Variants in ZNF277 observed in about 807,000 individuals in gnomAD.
ZNF277 encodes the protein nuclear receptor-interacting factor 4.
Under a neutral mutation model 60.7 loss-of-function variants are expected in ZNF277, and 55 were observed. That is an observed-to-expected ratio of 0.91 (90% confidence interval 0.73 to 1.13). The LOEUF (loss-of-function observed/expected upper bound fraction) is 1.13. Ranked by LOEUF, ZNF277 falls within the 50% of genes most tolerant of loss-of-function variation. The pLI, the probability that ZNF277 is intolerant of heterozygous loss-of-function variation, is 0.00. For missense variants in ZNF277, 510 were observed against 523.0 expected, an observed-to-expected ratio of 0.98 and a Z score of 0.24; for synonymous variants, 178 against 179.3, an observed-to-expected ratio of 0.99 and a Z score of 0.06.
intron 4 of ZNF277, among the ~76,000 whole-genome samples, chr7:112,302,148 T>G (rs945827439): frequency 3.9e-5 from 6 of 152,100 alleles, no homozygotes; most frequent in African/African-American, 1.4e-4. Context: ...GCTTGAGATA[T>G]CATTCATGAC....
intron 1 of ZNF277, among the ~76,000 whole-genome samples, chr7:112,262,417 C>G (rs1791459566): frequency 6.6e-6 from 1 of 152,014 alleles, no homozygotes; most frequent in African/African-American, 2.4e-5. Flanking sequence ...ACAAAGAGAA[C>G]TTGGTACTTT....
chr7:112,273,914 A>G (rs1402397623), intron 1 of ZNF277, among the ~76,000 whole-genome samples: 1 of 152,172 alleles, frequency 6.6e-6, no homozygotes, highest in Non-Finnish European at 1.5e-5. Context: ...TCAAATGAGT[A>G]TCAGCTAAGA....
chr7:112,207,179 A>C (rs1164616485), intron 1 of ZNF277, among the ~76,000 whole-genome samples: 1 of 152,162 alleles, frequency 6.6e-6, no homozygotes, highest in Non-Finnish European at 1.5e-5. Context: ...TGGGATTAGC[A>C]GCTCTTTCTC....
At chr7:112,273,688 C>A (rs889722632) in intron 1 of ZNF277, among the ~76,000 whole-genome samples, 1 of 152,120 alleles carries the variant, frequency 6.6e-6, no homozygotes, top group African/African-American at 2.4e-5. Context: ...ACATAACCAC[C>A]CTCTCTGGTG....
chr7:112,228,770 C>G (rs1417700391), intron 1 of ZNF277, among the ~76,000 whole-genome samples: 2 of 151,870 alleles, frequency 1.3e-5, no homozygotes, highest in Admixed American at 1.3e-4. Flanking sequence ...TGCATACAAC[C>G]CCTGAAATTT....
At chr7:112,312,440 T>A (rs930591919) in intron 4 of ZNF277, among the ~76,000 whole-genome samples, 2 of 152,088 alleles carry the variant, frequency 1.3e-5, no homozygotes, top group African/African-American at 4.8e-5. Context: ...TACTGTTGAT[T>A]TTCTTACTTG....
intron 1 of ZNF277, among the ~76,000 whole-genome samples, chr7:112,256,969 G>A (rs1439585954): frequency 6.6e-6 from 1 of 152,174 alleles, no homozygotes; most frequent in African/African-American, 2.4e-5. Flanking sequence ...TGTTCCATGG[G>A]AAATGGATTA....
rs1791852181 is a variant in ZNF277, at chr7:112,278,074, A to G, written c.92-8799A>G. Among the ~76,000 whole-genome samples, 4 of 152,306 alleles carry G rather than the reference A, an allele frequency of 2.6e-5. No individual in the cohort carries two copies. In the South Asian group the frequency reaches 8.3e-4, roughly 32 times the overall value. On this transcript the variant is annotated intron_variant, in intron 1 of 11. Transcript: ENST00000361822. ...TGAACAGAGCTTATCTCATATTCTC[A>G]GAAAACTGAGGCTATCAATATAAAT...
intron 7 of ZNF277, among the ~76,000 whole-genome samples, chr7:112,332,893 A>G (rs1032200412): frequency 4.6e-5 from 7 of 152,228 alleles, no homozygotes; most frequent in Non-Finnish European, 5.9e-5. Context: ...CAGGCTTAGT[A>G]ACATTCTAGG....
At chr7:112,316,651 A>G (rs1214791049) in intron 4 of ZNF277, among the ~76,000 whole-genome samples, 4 of 151,936 alleles carry the variant, frequency 2.6e-5, no homozygotes, top group Non-Finnish European at 5.9e-5. Flanking sequence ...CTATGTCCTG[A>G]ATGGTATTGC....
chr7:112,298,459 A>C (rs1231860793), intron 4 of ZNF277, among the ~76,000 whole-genome samples: 1 of 152,168 alleles, frequency 6.6e-6, no homozygotes, highest in African/African-American at 2.4e-5. Flanking sequence ...AGATAGAAAA[A>C]TTTTTATGGG....
chr7:112,318,205 G>A lies in ZNF277; in HGVS notation c.489G>A (p.Gln163=). 6.2e-7 allele frequency: 1 copy of A among 1,613,158 alleles called. No individual in the cohort carries two copies. The highest frequency in any genetic ancestry group is 1.1e-5 in the South Asian group (1 of 91,040). ...AGAGAGAAATTCTGGAACAACAGCA[G>A]CAAGAACGAAATGATACCAATTTTC... is the stretch of plus-strand genomic sequence containing the variant. The part of the protein sequence containing the change: ...QRLREILEQQ[Q]QERNDTNFHG... The change falls in exon 5 of 12, where the codon CAG becomes CAA. Residue 163 remains glutamine (Q), a synonymous_variant. Coordinates refer to ENST00000361822, the MANE Select transcript of ZNF277 (RefSeq NM_021994.3).
At chr7:112,261,411 A>G (rs917011505) in intron 1 of ZNF277, among the ~76,000 whole-genome samples, 3 of 152,232 alleles carry the variant, frequency 2.0e-5, no homozygotes, top group African/African-American at 7.2e-5. Flanking sequence ...GGCATTTCAT[A>G]TGCCTAGCTC....
At chr7:112,250,017 C>T (rs970904483) in intron 1 of ZNF277, among the ~76,000 whole-genome samples, 6 of 152,042 alleles carry the variant, frequency 3.9e-5, no homozygotes, top group Admixed American at 6.5e-5. Context: ...CTCTGACCGC[C>T]GGTGAGCCGG....
intron 1 of ZNF277, among the ~76,000 whole-genome samples, chr7:112,268,834 G>C (rs1584361858): frequency 6.6e-6 from 1 of 151,998 alleles, no homozygotes; most frequent in Admixed American, 6.6e-5. Context: ...CATCTGGTTT[G>C]GTTTCATTGA....
intron 4 of ZNF277, among the ~76,000 whole-genome samples, chr7:112,298,690 A>C (rs573906453): frequency 6.6e-6 from 1 of 152,346 alleles, no homozygotes; most frequent in Admixed American, 6.5e-5. Flanking sequence ...GTAAGCTAAC[A>C]ATGACTGATG....
intron 1 of ZNF277, among the ~76,000 whole-genome samples, chr7:112,242,845 G>C (rs1017023942): frequency 6.6e-6 from 1 of 151,976 alleles, no homozygotes; most frequent in Non-Finnish European, 1.5e-5. Flanking sequence ...AACCACAAAA[G>C]AGCCTGAATA....
At chr7:112,308,399 C>A (rs950703718) in intron 4 of ZNF277, among the ~76,000 whole-genome samples, 1 of 151,906 alleles carries the variant, frequency 6.6e-6, no homozygotes, top group Non-Finnish European at 1.5e-5. Context: ...TGCCTGTAAT[C>A]GCAGATACTT....
At chr7:112,292,075 T>G (rs1792218776) in intron 2 of ZNF277, among the ~76,000 whole-genome samples, 1 of 152,174 alleles carries the variant, frequency 6.6e-6, no homozygotes, top group African/African-American at 2.4e-5. Context: ...CAACCGAGGT[T>G]CTGCCAGGCA....
Sources: gnomAD v4.1 joint callset for allele counts (sites outside exome capture counted in the v4.1 genomes callset) on GRCh38, gnomAD v4.1.1 for gene constraint, MANE v1.5 for transcripts, NCBI Gene and HGNC (gene_info 2026-07-23, HGNC 2026-07-21) for gene names.